MAGI2: variants seen among roughly 807,000 people sequenced by gnomAD.
MAGI2 encodes membrane-associated guanylate kinase, WW and PDZ domain-containing protein 2.
Under a neutral mutation model 133.3 loss-of-function variants are expected in MAGI2, and 35 were observed. The observed-to-expected ratio is 0.26, with a 90% CI of 0.20 to 0.35. The LOEUF (loss-of-function observed/expected upper bound fraction) is 0.35. Among genes scored for constraint, MAGI2 ranks in the 10% least tolerant of loss-of-function variants. The pLI, the probability that MAGI2 is intolerant of heterozygous loss-of-function variation, is 1.00. For missense variants in MAGI2, 1,636 were observed against 1,863.4 expected (o/e 0.88, Z 2.25); for synonymous variants, 729 against 710.6 (o/e 1.03, Z -0.41).
chr7:78,944,962 C>T (rs1801297119), intron 2 of MAGI2, among the ~76,000 whole-genome samples: 2 of 152,082 alleles, frequency 1.3e-5, no homozygotes, highest in Admixed American at 6.6e-5. Flanking sequence ...TGGTCTGGTA[C>T]TCCTGGGCTC....
intron 3 of MAGI2, among the ~76,000 whole-genome samples, chr7:78,531,766 ATGG>A (rs1461124943): frequency 6.6e-6 from 1 of 152,156 alleles, no homozygotes; most frequent in Non-Finnish European, 1.5e-5. Context: ...CCTTCTCCCA[ATGG>A]TGCTTTCAAT....
intron 2 of MAGI2, among the ~76,000 whole-genome samples, chr7:78,989,194 C>T (rs1805531899): frequency 6.6e-6 from 1 of 152,048 alleles, no homozygotes; most frequent in Admixed American, 6.6e-5. Flanking sequence ...CTGCTACTCT[C>T]ATCTTTCCTG....
At chr7:78,667,228 T>C (rs1421587193) in intron 2 of MAGI2, among the ~76,000 whole-genome samples, 1 of 151,984 alleles carries the variant, frequency 6.6e-6, no homozygotes, top group South Asian at 2.1e-4. Context: ...TGTCCTTTTA[T>C]GTCCACACCC....
In MAGI2 at chr7:78,673,706, G is replaced by T. The variant is rs931773048; in HGVS notation, c.419-46467C>A. ...ACATTAGCCTGGGGGCGGCGGGGAG[G>T]GGGGCAGGCGGTGTTTATGGGGTGG... On this transcript the variant is annotated intron_variant, in intron 2 of 21. Transcript: ENST00000354212. Among the ~76,000 whole-genome samples, 15 of 152,154 alleles carry T rather than the reference G, an allele frequency of 9.9e-5. No homozygotes were observed. The South Asian group carries it at 1.2e-3, about 13-fold the overall frequency.
At chr7:79,171,886 T>A (rs7802991) in intron 1 of MAGI2, among the ~76,000 whole-genome samples, 2 of 148,526 alleles carry the variant, frequency 1.3e-5, no homozygotes, top group Non-Finnish European at 3.0e-5. Context: ...AAGGTATTAG[T>A]CTTAGGTCAT....
intron 1 of MAGI2, among the ~76,000 whole-genome samples, chr7:79,161,643 G>A (rs993399740): frequency 6.6e-6 from 1 of 152,086 alleles, no homozygotes; most frequent in African/African-American, 2.4e-5. Context: ...CTCCTGAGCT[G>A]TTTGGTTTGC....
chr7:78,193,130 G>A (rs1309310914), intron 12 of MAGI2, among the ~76,000 whole-genome samples: 1 of 152,150 alleles, frequency 6.6e-6, no homozygotes, highest in Non-Finnish European at 1.5e-5. Flanking sequence ...GAAACTGAGG[G>A]CACAATGGTA....
At chr7:79,047,866 A>G (rs934647843) in intron 1 of MAGI2, among the ~76,000 whole-genome samples, 2 of 152,170 alleles carry the variant, frequency 1.3e-5, no homozygotes, top group African/African-American at 4.8e-5. Flanking sequence ...ATATCCTCTT[A>G]TAGTGAGTAG....
At chr7:79,310,271 A>G (rs909712303) in intron 1 of MAGI2, among the ~76,000 whole-genome samples, 4 of 151,060 alleles carry the variant, frequency 2.6e-5, no homozygotes, top group Non-Finnish European at 4.4e-5. Flanking sequence ...TCTGCTATGT[A>G]CAGATGAAAG....
intron 1 of MAGI2, among the ~76,000 whole-genome samples, chr7:79,433,187 G>A (rs1371854944): frequency 6.6e-6 from 1 of 152,158 alleles, no homozygotes; most frequent in East Asian, 1.9e-4. Context: ...AGGTGGGCTA[G>A]CGATGCTGTC....
intron 1 of MAGI2, among the ~76,000 whole-genome samples, chr7:79,208,061 T>C (rs530165905): frequency 6.6e-6 from 1 of 152,100 alleles, no homozygotes; most frequent in African/African-American, 2.4e-5. Flanking sequence ...GATTTACATG[T>C]AAGACCCAAA....
intron 2 of MAGI2, among the ~76,000 whole-genome samples, chr7:78,994,698 G>A (rs1806113766): frequency 6.6e-6 from 1 of 152,038 alleles, no homozygotes; most frequent in African/African-American, 2.4e-5. Flanking sequence ...GTTTGGGGAA[G>A]GGTTTGTATA....
At chr7:78,281,384 T>C (rs186854884) in intron 9 of MAGI2, among the ~76,000 whole-genome samples, 1 of 152,228 alleles carries the variant, frequency 6.6e-6, no homozygotes, top group East Asian at 1.9e-4. Context: ...CCTGTTCTCA[T>C]GATAGTGAGT....
intron 1 of MAGI2, among the ~76,000 whole-genome samples, chr7:79,320,364 A>C (rs1274701589): frequency 6.6e-6 from 1 of 152,154 alleles, no homozygotes; most frequent in Non-Finnish European, 1.5e-5. Flanking sequence ...TAGAATTATT[A>C]ATCTAATTTT....
chr7:78,095,267 AC>A (rs2151228256), intron 20 of MAGI2, among the ~76,000 whole-genome samples: 1 of 152,058 alleles, frequency 6.6e-6, no homozygotes, highest in African/African-American at 2.4e-5. Context: ...TTTTTGGAAG[AC>A]CTCTCCATAT....
chr7:78,693,110 T>A (rs1817139173), intron 2 of MAGI2, among the ~76,000 whole-genome samples: 1 of 152,162 alleles, frequency 6.6e-6, no homozygotes, highest in Admixed American at 6.5e-5. Context: ...TCTAGAGACC[T>A]AGAAAGCTGA....
At chr7:78,616,247 C>T (rs1456065592) in intron 3 of MAGI2, 2 of 152,160 alleles carry the variant, frequency 1.3e-5, no homozygotes, top group Non-Finnish European at 2.9e-5. Context: ...GACCTTTCTA[C>T]CTCTTTCATA....
At chr7:78,523,927 T>G (rs1055089286) in intron 3 of MAGI2, among the ~76,000 whole-genome samples, 2 of 152,152 alleles carry the variant, frequency 1.3e-5, no homozygotes, top group South Asian at 4.1e-4. Context: ...ACACTTATGT[T>G]GCCTTTGATA....
At chr7:79,148,096 C>T (rs1261694241) in intron 1 of MAGI2, among the ~76,000 whole-genome samples, 3 of 152,072 alleles carry the variant, frequency 2.0e-5, no homozygotes, top group South Asian at 2.1e-4. Context: ...AGTGGCCCAT[C>T]GAAGCCCAGC....
Sources: allele counts gnomAD v4.1 joint callset (sites outside exome capture counted in the v4.1 genomes callset), GRCh38; gene constraint gnomAD v4.1.1; transcripts MANE v1.5; gene names NCBI Gene and HGNC (gene_info 2026-07-23, HGNC 2026-07-21).